Variants in BEND6 observed in about 807,000 individuals in gnomAD.
The protein encoded by BEND6 is BEN domain containing 6, also known as BEN domain-containing protein 6.
In BEND6, 24 loss-of-function variants were observed where a neutral mutation model predicts 31.8. The ratio of observed to expected loss-of-function variants is 0.75; its 90% confidence interval spans 0.55 to 1.06. BEND6 has a LOEUF of 1.06. BEND6 is among the 50% of genes least tolerant of loss of function. The pLI is 0.00. For missense variants in BEND6, 294 were observed against 327.4 expected, an observed-to-expected ratio of 0.90 and a Z score of 0.79; for synonymous variants, 109 against 114.6, an observed-to-expected ratio of 0.95 and a Z score of 0.31.
intron 1 of BEND6, among the ~76,000 whole-genome samples, chr6:56,962,658 G>T (rs973461330): frequency 6.6e-6 from 1 of 152,160 alleles, no homozygotes; most frequent in African/African-American, 2.4e-5. Context: ...AATGAGGCAG[G>T]AATCTACTTA....
intron 1 of BEND6, among the ~76,000 whole-genome samples, chr6:56,980,777 A>G (rs945400784): frequency 1.3e-5 from 2 of 152,206 alleles, no homozygotes; most frequent in African/African-American, 2.4e-5. Flanking sequence ...AGCATATGTT[A>G]CTTTCTGTTC....
chr6:57,019,849 T>C (rs1593030706), intron 6 of BEND6, among the ~76,000 whole-genome samples: 3 of 152,222 alleles, frequency 2.0e-5, no homozygotes, highest in Middle Eastern at 3.4e-3. Context: ...GTCCCAATGG[T>C]TTGGGAGGCT....
At chr6:56,992,609 G>A in intron 3 of BEND6, 54 bp downstream of exon 3, 1 of 1,514,166 alleles carries the variant, frequency 6.6e-7, no homozygotes, top group South Asian at 1.3e-5. Context: ...TATGATCAGT[G>A]GAAAGTATTG....
intron 1 of BEND6, among the ~76,000 whole-genome samples, chr6:56,969,922 G>C (rs1426380249): frequency 1.3e-5 from 2 of 151,916 alleles, no homozygotes; most frequent in Non-Finnish European, 2.9e-5. Flanking sequence ...ATGTTGCTTA[G>C]GACATTATTT....
chr6:57,000,261 G>C (rs1351352227), intron 3 of BEND6, among the ~76,000 whole-genome samples: 2 of 152,128 alleles, frequency 1.3e-5, no homozygotes, highest in African/African-American at 4.8e-5. Flanking sequence ...TTCTGCCTTG[G>C]GATGCTGTTA....
intron 1 of BEND6, among the ~76,000 whole-genome samples, chr6:56,965,848 A>G (rs1825460059): frequency 6.6e-6 from 1 of 152,042 alleles, no homozygotes; most frequent in Non-Finnish European, 1.5e-5. Context: ...GATCAGAATT[A>G]CATATTACAT....
chr6:56,967,602 C>T (rs1825530375), intron 1 of BEND6, among the ~76,000 whole-genome samples: 1 of 151,956 alleles, frequency 6.6e-6, no homozygotes, highest in African/African-American at 2.4e-5. Context: ...ATCTGGAGGG[C>T]CAAAGAAAGG....
intron 1 of BEND6, among the ~76,000 whole-genome samples, chr6:56,972,347 G>A (rs905686522): frequency 2.0e-5 from 3 of 151,840 alleles, no homozygotes; most frequent in Non-Finnish European, 4.4e-5. Context: ...TACCCATCTC[G>A]GCCTCCCAAA....
intron 2 of BEND6, among the ~76,000 whole-genome samples, chr6:56,991,194 TG>T (rs1163137077): frequency 3.3e-5 from 5 of 152,222 alleles, no homozygotes; most frequent in African/African-American, 4.8e-5. Context: ...AGATTATCTT[TG>T]GTAGCTTTCA....
intron 3 of BEND6, chr6:57,008,558 A>C: frequency 3.7e-6 from 1 of 272,100 alleles, no homozygotes; most frequent in Non-Finnish European, 6.8e-6. Flanking sequence ...ACAGACACAG[A>C]CACCATCTCT....
intron 1 of BEND6, among the ~76,000 whole-genome samples, chr6:56,962,017 G>C (rs1035456568): frequency 6.6e-5 from 10 of 152,204 alleles, no homozygotes; most frequent in Non-Finnish European, 1.5e-4. Context: ...TGGGACCTTT[G>C]AGAGGTGATT....
intron 1 of BEND6, among the ~76,000 whole-genome samples, chr6:56,969,606 T>G (rs1825617903): frequency 6.6e-6 from 1 of 152,214 alleles, no homozygotes; most frequent in Non-Finnish European, 1.5e-5. Flanking sequence ...TTTGTTGTAG[T>G]GCTGTACTTG....
chr6:56,968,312 C>CTTTTTTTTTTTTTTTTTTTTTTTTTTTT (rs779756084), intron 1 of BEND6, among the ~76,000 whole-genome samples: 3 of 65,982 alleles, frequency 4.5e-5, no homozygotes, highest in Non-Finnish European at 7.6e-5. Context: ...TCTTTCTTTT[C>CTTTTTTTTTTTTTTTTTTTTTTTTTTTT]TTTTTTTTTT....
intron 1 of BEND6, among the ~76,000 whole-genome samples, chr6:56,970,085 TTTTG>T (rs1485099243): frequency 6.6e-6 from 1 of 152,168 alleles, no homozygotes; most frequent in Non-Finnish European, 1.5e-5. Context: ...TTTCTTAAAA[TTTTG>T]TTTTAGTTGC....
At chr6:56,982,620 T>TA (rs1357177683) in intron 2 of BEND6, among the ~76,000 whole-genome samples, 1 of 152,156 alleles carries the variant, frequency 6.6e-6, no homozygotes, top group African/African-American at 2.4e-5. Flanking sequence ...CTCTGTAATG[T>TA]AGTGTTTTAT....
intron 1 of BEND6, among the ~76,000 whole-genome samples, chr6:56,970,303 T>G (rs1314814269): frequency 1.3e-5 from 2 of 152,126 alleles, no homozygotes; most frequent in Non-Finnish European, 2.9e-5. Context: ...CAAGCCATTC[T>G]TATGCCTCAG....
At chr6:56,972,432 GT>G (rs1385517041) in intron 1 of BEND6, among the ~76,000 whole-genome samples, 1 of 151,934 alleles carries the variant, frequency 6.6e-6, no homozygotes, top group East Asian at 1.9e-4. Context: ...TAACTAATTT[GT>G]TTTTAATGAT....
At chr6:56,987,377 G>A (rs1294790336) in intron 2 of BEND6, among the ~76,000 whole-genome samples, 1 of 152,176 alleles carries the variant, frequency 6.6e-6, no homozygotes, top group Non-Finnish European at 1.5e-5. Flanking sequence ...TGAGCTCTGG[G>A]AAATCTGGAT....
chr6:57,020,844 T>TTG (rs1554290999), intron 6 of BEND6, among the ~76,000 whole-genome samples: 5 of 150,890 alleles, frequency 3.3e-5, no homozygotes, highest in East Asian at 2.0e-4. Context: ...TTTTTTTTTT[T>TTG]TTTTTTTTTT....
Sources: allele counts gnomAD v4.1 joint callset (sites outside exome capture counted in the v4.1 genomes callset), GRCh38; gene constraint gnomAD v4.1.1; transcripts MANE v1.5; gene names NCBI Gene and HGNC (gene_info 2026-07-23, HGNC 2026-07-21).